The following UBN2 variants were observed in gnomAD, a reference collection of about 807,000 sequenced individuals.
The protein encoded by UBN2 is ubinuclein 2.
UBN2 carries 35 observed loss-of-function variants against 120.2 expected under a neutral mutation model. That is an observed-to-expected ratio of 0.29 (90% CI 0.22 to 0.39). The LOEUF is 0.39. Among genes scored for constraint, UBN2 ranks in the 10% least tolerant of loss-of-function variants. The probability of loss-of-function intolerance (pLI) is 1.00; values close to 1 mark genes in which losing one functional copy is unlikely to be tolerated. For synonymous variants in UBN2, 661 were observed against 648.7 expected (o/e 1.02, Z -0.29); for missense variants, 1,693 against 1,663.2 (o/e 1.02, Z -0.31).
chr7:139,302,068 CT>C lies in UBN2; in HGVS notation c.*4235del, dbSNP rs1442280274. On this transcript the variant is annotated 3_prime_UTR_variant, in exon 18 of 18. Transcript: ENST00000473989. ...CCTCTAAAACATGCTCAATTCAGGCCTTTGTCTTTGTTAAGTGCCTTTTTTC... is the reference window on the plus strand; with the variant it reads ...CCTCTAAAACATGCTCAATTCAGGCCTTGTCTTTGTTAAGTGCCTTTTTTC... The C allele has an allele frequency of 6.6e-6, 1 of 152,062 alleles. No homozygotes were observed. The highest frequency in any genetic ancestry group is 1.5e-5 in the Non-Finnish European group (1 of 68,020). The allele number at this position is 152,062 out of a possible 1,614,324, so 9.4% of individuals were successfully genotyped here.
rs1467289703 is a variant in UBN2, at chr7:139,235,590, A to G, written c.469-1415A>G. ...CCCAGCTAGTTTTTGTATTTTTGGTAGAGACGGGGTTTCACCATGTTGGCT... is the reference window on the plus strand; with the variant it reads ...CCCAGCTAGTTTTTGTATTTTTGGTGGAGACGGGGTTTCACCATGTTGGCT... On this transcript the variant is annotated intron_variant, in intron 1 of 17. Coordinates refer to ENST00000473989, the MANE Select transcript of UBN2 (RefSeq NM_173569.4). Among the ~76,000 whole-genome samples the G allele has an allele frequency of 2.6e-5, 4 of 152,146 alleles. No homozygotes were observed. In the East Asian group the frequency reaches 5.8e-4, roughly 22 times the overall value.
chr7:139,322,058 C>G, the UBN2 span, among the ~76,000 whole-genome samples: 1 of 151,846 alleles, frequency 6.6e-6, no homozygotes, highest in African/African-American at 2.4e-5. Flanking sequence ...ACTGCAACCT[C>G]TGCCTCCCAG....
chr7:139,249,555 C>T (rs1387281886), intron 2 of UBN2, among the ~76,000 whole-genome samples: 2 of 152,156 alleles, frequency 1.3e-5, no homozygotes, highest in Non-Finnish European at 2.9e-5. Context: ...TCACACTTTT[C>T]ATTGAGAGGT....
chr7:139,283,862 C>T lies in UBN2; in HGVS notation c.2957C>T (p.Thr986Ile). 2 of 1,614,124 alleles carry T rather than the reference C, an allele frequency of 1.2e-6. No individual in the cohort carries two copies. The highest frequency in any genetic ancestry group is 2.2e-5 in the South Asian group (2 of 91,082). Residue 986 changes from threonine (T) to isoleucine (I), a missense_variant, in exon 15 of 18, where the codon ACC (threonine) becomes ATC (isoleucine). Physicochemically the swap from Thr to Ile is moderately conservative, Grantham distance 89 (BLOSUM62 -1). Transcript: ENST00000473989. ...CTTATGTACCGCCTTCCCTTATCTACCCCCTCACCTGGAAATGGTTCTCAA... is the reference window on the plus strand; with the variant it reads ...CTTATGTACCGCCTTCCCTTATCTATCCCCTCACCTGGAAATGGTTCTCAA... ...KPLMYRLPLS[T>I]PSPGNGSQGS...
At chr7:139,246,238 A>T (rs1234844162) in intron 2 of UBN2, among the ~76,000 whole-genome samples, 2 of 152,022 alleles carry the variant, frequency 1.3e-5, no homozygotes, top group Non-Finnish European at 2.9e-5. Context: ...GGTAGTGCGC[A>T]CCTGCAGTCC....
intron 11 of UBN2, among the ~76,000 whole-genome samples, chr7:139,275,892 T>C (rs924339910): frequency 1.3e-5 from 2 of 152,164 alleles, no homozygotes; most frequent in Admixed American, 6.5e-5. Context: ...GGAGGACCAT[T>C]TGAGCCCAGG....
chr7:139,271,289 C>T (rs1407670827), intron 8 of UBN2, among the ~76,000 whole-genome samples: 1 of 152,062 alleles, frequency 6.6e-6, no homozygotes, highest in Non-Finnish European at 1.5e-5. Flanking sequence ...CCAAAAATCA[C>T]ATTTTAAAAA....
intron 3 of UBN2, among the ~76,000 whole-genome samples, chr7:139,255,299 A>C (rs1469616001): frequency 6.6e-6 from 1 of 152,182 alleles, no homozygotes; most frequent in Non-Finnish European, 1.5e-5. Flanking sequence ...TTATATATCA[A>C]CTTAAAGGGC....
At chr7:139,241,276 A>G (rs949841359) in intron 2 of UBN2, among the ~76,000 whole-genome samples, 4 of 152,192 alleles carry the variant, frequency 2.6e-5, no homozygotes, top group Non-Finnish European at 5.9e-5. Flanking sequence ...ACTGTCCTAG[A>G]ATTGGATATA....
chr7:139,234,016 CA>C (rs1796098939), intron 1 of UBN2, among the ~76,000 whole-genome samples: 1 of 151,918 alleles, frequency 6.6e-6, no homozygotes, highest in African/African-American at 2.4e-5. Flanking sequence ...AAAGATTTGC[CA>C]CATTTTCCTG....
At position 139,273,965 on chromosome 7, in the gene UBN2, G is replaced by C; in HGVS notation, c.1864G>C (p.Gly622Arg). ...ATGTAACCTTGTTGAGATCAAATTG[G>C]GATGCTATGAGTTAGAACCAAATAA... ...LLCNLVEIKL[G>R]CYELEPNKSQ... Residue 622 changes from glycine to arginine, a missense_variant, in exon 11 of 18, where the codon GGA becomes CGA. Coordinates refer to ENST00000473989, the MANE Select transcript of UBN2 (RefSeq NM_173569.4). The C allele has an allele frequency of 6.2e-7, 1 of 1,612,272 alleles. No homozygotes were observed. Among genetic ancestry groups the C allele is most frequent in the South Asian group, 1.1e-5 (1 of 90,556 alleles).
At chr7:139,258,186 A>T (rs370040466) in intron 3 of UBN2, among the ~76,000 whole-genome samples, 97 of 152,360 alleles carry the variant, frequency 6.4e-4, no homozygotes, top group African/African-American at 2.2e-3. Context: ...GTCATTAAGA[A>T]TAGTAGCAGT....
the UBN2 span, among the ~76,000 whole-genome samples, chr7:139,326,117 G>A: frequency 6.6e-5 from 10 of 152,036 alleles, no homozygotes; most frequent in East Asian, 3.9e-4. Context: ...TTAACCAGGC[G>A]TGGTGGTGTG....
the UBN2 span, among the ~76,000 whole-genome samples, chr7:139,318,964 C>G: frequency 1.3e-5 from 2 of 152,144 alleles, no homozygotes; most frequent in African/African-American, 2.4e-5. Flanking sequence ...ACACTGCAGT[C>G]GAGACAGAAA....
At chr7:139,292,179 C>T (rs1209096385) in intron 15 of UBN2, among the ~76,000 whole-genome samples, 3 of 151,984 alleles carry the variant, frequency 2.0e-5, no homozygotes, top group African/African-American at 7.3e-5. Context: ...ACTTGAGCCT[C>T]CAGGAGGTTG....
chr7:139,312,048 T>TCACA (rs1798455394), downstream of UBN2, among the ~76,000 whole-genome samples: 3 of 152,226 alleles, frequency 2.0e-5, no homozygotes, highest in Admixed American at 1.3e-4. Flanking sequence ...AATTTCTTAC[T>TCACA]TTGTACTCAA....
intron 7 of UBN2, among the ~76,000 whole-genome samples, chr7:139,269,053 A>C (rs1000777355): frequency 6.6e-6 from 1 of 152,064 alleles, no homozygotes. Flanking sequence ...CTAAAAATAC[A>C]AAAAACTTAG....
At position 139,290,685 on chromosome 7, in the gene UBN2, G is replaced by A. The variant is rs115826092; in HGVS notation, c.3670-2547G>A. Among the ~76,000 whole-genome samples the A allele has an allele frequency of 3.3e-3, 504 of 152,284 alleles. 3 individuals are homozygous for A. Among genetic ancestry groups the A allele is most frequent in the African/African-American group, 0.012 (481 of 41,558 alleles). Reference sequence around the variant, plus strand: ...ATATGCAGGATGGAAATTGAGATGAGAGGCCAGAACTATGGATATAAATTT... The same window carrying A: ...ATATGCAGGATGGAAATTGAGATGAAAGGCCAGAACTATGGATATAAATTT... On this transcript the variant is annotated intron_variant, in intron 15 of 17. Coordinates refer to ENST00000473989, the MANE Select transcript of UBN2 (RefSeq NM_173569.4).
At chr7:139,289,619 C>T (rs1341024744) in intron 15 of UBN2, among the ~76,000 whole-genome samples, 2 of 151,968 alleles carry the variant, frequency 1.3e-5, no homozygotes, top group African/African-American at 4.8e-5. Flanking sequence ...ACCATGTTGG[C>T]CAGGCTGGTC....
Sources: gnomAD v4.1 joint callset for allele counts (sites outside exome capture counted in the v4.1 genomes callset) on GRCh38, gnomAD v4.1.1 for gene constraint, MANE v1.5 for transcripts, NCBI Gene and HGNC (gene_info 2026-07-23, HGNC 2026-07-21) for gene names.